ZNF84: variants seen among roughly 807,000 people sequenced by gnomAD.
ZNF84 encodes the protein zinc finger protein HPF2.
A neutral mutation model predicts 14.8 loss-of-function variants in ZNF84; 12 were observed. That is an observed-to-expected ratio of 0.81 (90% CI 0.52 to 1.31). The LOEUF is 1.31. ZNF84 is among the 50% of genes most tolerant of loss of function. The probability of loss-of-function intolerance (pLI) is 0.00; values close to 1 mark genes in which losing one functional copy is unlikely to be tolerated. For missense variants in ZNF84, 859 were observed against 878.6 expected (o/e 0.98, Z 0.28); for synonymous variants, 347 against 291.1 (o/e 1.19, Z -1.96).
At chr12:133,041,153 T>C (rs1472440121) in intron 1 of ZNF84, 125 bp from the exon 2 acceptor site, 9 of 367,306 alleles carry the variant, frequency 2.5e-5, no homozygotes, top group African/African-American at 1.7e-4. Context: ...CTGAGAGTGC[T>C]GTTTCAGTTA....
At chr12:133,051,225 C>T (rs1245008891) in intron 4 of ZNF84, among the ~76,000 whole-genome samples, 1 of 151,488 alleles carries the variant, frequency 6.6e-6, no homozygotes, top group Non-Finnish European at 1.5e-5. Flanking sequence ...TAATCCTTTA[C>T]TGAAAAGGAT....
chr12:133,056,494 C>T (rs1954160946), intron 4 of ZNF84, among the ~76,000 whole-genome samples: 1 of 152,118 alleles, frequency 6.6e-6, no homozygotes, highest in African/African-American at 2.4e-5. Context: ...ACCTCATGAT[C>T]TGCCTGCCTC....
chr12:133,052,494 A>G (rs1225100456), intron 4 of ZNF84, among the ~76,000 whole-genome samples: 3 of 152,114 alleles, frequency 2.0e-5, no homozygotes, highest in African/African-American at 7.2e-5. Flanking sequence ...ACACCTGGCT[A>G]ATTAAAAACA....
In ZNF84 at chr12:133,047,882, A is replaced by G. The variant is rs954977679; in HGVS notation, c.16-73A>G. On this transcript the variant is annotated intron_variant, in intron 2 of 4. Transcript: ENST00000539354. The stretch of plus-strand genomic sequence containing the variant: ...TAACTTGTTATGAGAATGAAGTGCT[A>G]AAGCTCCAATATTTTTTTCTCACAT... 7 of 1,554,380 alleles carry G rather than the reference A, an allele frequency of 4.5e-6. No individual in the cohort carries two copies. In the South Asian group the frequency reaches 6.9e-5, roughly 15 times the overall value.
At position 133,062,910 on chromosome 12, in the gene ZNF84, CT is replaced by C; in HGVS notation, c.*3980del. 1 of 550,420 alleles carries C rather than the reference CT, an allele frequency of 1.8e-6. No homozygotes were observed. The highest frequency in any genetic ancestry group is 1.9e-5 in the African/African-American group (1 of 53,468). 34.1% of individuals were successfully genotyped at this position (550,420 alleles called of 1,614,324 possible). On this transcript the variant is annotated 3_prime_UTR_variant, in exon 5 of 5. Coordinates refer to ENST00000539354, the MANE Select transcript of ZNF84 (RefSeq NM_001289971.2). Reference sequence around the variant, plus strand: ...ATCTGCAATTGAAATGCCCTTGTTCCTTGTTAATGCCTATTGAATCTATATG... The same window carrying C: ...ATCTGCAATTGAAATGCCCTTGTTCCTGTTAATGCCTATTGAATCTATATG...
chr12:133,047,392 T>C (rs1163455711), intron 2 of ZNF84, among the ~76,000 whole-genome samples: 3 of 152,120 alleles, frequency 2.0e-5, no homozygotes, highest in Non-Finnish European at 2.9e-5. Flanking sequence ...ACACAAAAAA[T>C]ACTTTTATTG....
chr12:133,055,151 T>C (rs1220873553), intron 4 of ZNF84, among the ~76,000 whole-genome samples: 1 of 152,158 alleles, frequency 6.6e-6, no homozygotes, highest in African/African-American at 2.4e-5. Flanking sequence ...GAGTTATTTA[T>C]TGATTGTAGT....
At chr12:133,039,989 G>A (rs1221757461) in intron 1 of ZNF84, among the ~76,000 whole-genome samples, 5 of 151,846 alleles carry the variant, frequency 3.3e-5, no homozygotes, top group Admixed American at 6.6e-5. Context: ...GCTTACAGGT[G>A]CATGCCACCA....
At chr12:133,054,565 A>G (rs1356648386) in intron 4 of ZNF84, among the ~76,000 whole-genome samples, 1 of 151,836 alleles carries the variant, frequency 6.6e-6, no homozygotes, top group Admixed American at 6.6e-5. Context: ...TCTGTGCCTG[A>G]ATAGTTTAGA....
intron 4 of ZNF84, among the ~76,000 whole-genome samples, chr12:133,052,316 AG>A (rs1954084671): frequency 3.3e-5 from 5 of 152,106 alleles, no homozygotes; most frequent in African/African-American, 1.2e-4. Context: ...GGAGAGAGAG[AG>A]AGAGAAGAGA....
chr12:133,057,408 A>C lies in ZNF84; in HGVS notation c.693A>C (p.Arg231Ser). 1 of 1,614,178 alleles carries C rather than the reference A, an allele frequency of 6.2e-7. No individual in the cohort carries two copies. The change falls in exon 5 of 5, where the codon AGA (arginine) becomes AGC (serine). Residue 231 changes from arginine (R) to serine (S), a missense_variant. Transcript: ENST00000539354. ...SLIKHQSRHI[R>S]DIAFGCGNCG... ...TTAAACATCAGAGCAGACATATAAG[A>C]GACATAGCCTTTGGCTGTGGTAATT...
intron 1 of ZNF84, among the ~76,000 whole-genome samples, chr12:133,039,665 A>G (rs10870575): frequency 0.47 from 71,142 of 152,026 alleles, 18,402 homozygotes; most frequent in East Asian, 0.78. Context: ...ACAAGGCCCC[A>G]GTCGCTTTCC....
intron 4 of ZNF84, among the ~76,000 whole-genome samples, chr12:133,052,192 A>G (rs1338302944): frequency 3.3e-5 from 5 of 152,186 alleles, no homozygotes; most frequent in African/African-American, 1.2e-4. Flanking sequence ...GGAGATGGAA[A>G]GTCCCAAGAT....
At chr12:133,040,569 C>CAAAAAAAA (rs4061955) in intron 1 of ZNF84, 1 of 91,066 alleles carries the variant, frequency 1.1e-5, no homozygotes, top group Non-Finnish European at 2.2e-5. Context: ...AAGACCGTAC[C>CAAAAAAAA]AAAAAAAAAA....
At chr12:133,052,247 C>A (rs1446451703) in intron 4 of ZNF84, among the ~76,000 whole-genome samples, 2 of 152,156 alleles carry the variant, frequency 1.3e-5, no homozygotes, top group Non-Finnish European at 2.9e-5. Context: ...TGTCTTCCTG[C>A]CTTGTGGACA....
In ZNF84 at chr12:133,048,809, TG is replaced by T; in HGVS notation, c.202del (p.Val68Ter). On this transcript the variant is annotated frameshift_variant, in exon 4 of 5. Transcript: ENST00000539354. LOFTEE classifies it low-confidence loss of function (END_TRUNC). ...IFKLEQGEEPWVGDGEIPSSD... is the reference protein window; with the variant it reads ...IFKLEQGEEPXVGDGEIPSSD... Reference sequence around the variant, plus strand: ...CAAATTGGAGCAAGGAGAAGAGCCGTGGGTAGGAGATGGAGAAATTCCAAGT... The same window carrying T: ...CAAATTGGAGCAAGGAGAAGAGCCGTGGTAGGAGATGGAGAAATTCCAAGT... 1 of 1,613,474 alleles carries T rather than the reference TG, an allele frequency of 6.2e-7. No homozygotes were observed.
rs1395389235 is a variant in ZNF84 at position 133,048,760 on chromosome 12, A to G, written c.150A>G (p.Glu50=). The change falls in exon 4 of 5, where the codon GAA becomes GAG. Residue 50 remains glutamate, a synonymous_variant. Transcript: ENST00000539354. ...TGATTTTTCCCTTAACAGGGTATGA[A>G]GTTATGAAACCAGATGTCATCTTCA... ...NYSSLVSLGY[E]VMKPDVIFKL... 3.1e-6 allele frequency: 5 copies of G among 1,613,532 alleles called. No homozygotes were observed. Among genetic ancestry groups the G allele is most frequent in the Admixed American group, 3.3e-5 (2 of 59,994 alleles).
intron 2 of ZNF84, among the ~76,000 whole-genome samples, chr12:133,046,020 G>A (rs915568419): frequency 1.3e-5 from 2 of 151,546 alleles, no homozygotes; most frequent in African/African-American, 4.9e-5. Flanking sequence ...AAAGTATATT[G>A]TGTGCTGTGA....
chr12:133,054,037 C>CA (rs1954111863), intron 4 of ZNF84, among the ~76,000 whole-genome samples: 1 of 152,152 alleles, frequency 6.6e-6, no homozygotes, highest in Non-Finnish European at 1.5e-5. Context: ...TACAACCTCA[C>CA]AAAAAATTTG....
Sources: gnomAD v4.1 joint callset for allele counts (sites outside exome capture counted in the v4.1 genomes callset) on GRCh38, gnomAD v4.1.1 for gene constraint, MANE v1.5 for transcripts, NCBI Gene and HGNC (gene_info 2026-07-23, HGNC 2026-07-21) for gene names.